ZC3H18: variants seen among roughly 807,000 people sequenced by gnomAD.
The protein encoded by ZC3H18 is zinc finger CCCH domain-containing protein 18.
Under a neutral mutation model 106.1 loss-of-function variants are expected in ZC3H18, and 8 were observed. The ratio of observed to expected loss-of-function variants is 0.08; its 90% confidence interval spans 0.04 to 0.14. The LOEUF (loss-of-function observed/expected upper bound fraction) is 0.14, where lower values mean the gene tolerates loss of function less well. ZC3H18 is among the 10% of genes least tolerant of loss of function. The pLI, the probability that ZC3H18 is intolerant of heterozygous loss-of-function variation, is 1.00. For synonymous variants in ZC3H18, 635 were observed against 522.1 expected, an observed-to-expected ratio of 1.22 and a Z score of -2.95; for missense variants, 1,318 against 1,278.4, an observed-to-expected ratio of 1.03 and a Z score of -0.47.
At chr16:88,617,453 G>T (rs189038592) in intron 8 of ZC3H18, among the ~76,000 whole-genome samples, 1 of 152,324 alleles carries the variant, frequency 6.6e-6, no homozygotes, top group Admixed American at 6.5e-5. Flanking sequence ...GGTCCCTTAT[G>T]TGAAACCTAA....
At chr16:88,624,103 C>T in intron 11 of ZC3H18, 41 bp downstream of exon 11, 1 of 1,606,688 alleles carries the variant, frequency 6.2e-7, no homozygotes, top group Non-Finnish European at 8.5e-7. Flanking sequence ...CCGGCCAGGC[C>T]TCCACAGGCT....
At chr16:88,591,718 C>T (rs1025863852) in intron 3 of ZC3H18, among the ~76,000 whole-genome samples, 2 of 152,260 alleles carry the variant, frequency 1.3e-5, no homozygotes, top group Non-Finnish European at 2.9e-5. Flanking sequence ...GTAAAAATCT[C>T]TTCAGACCCT....
chr16:88,609,344 C>A, intron 7 of ZC3H18: 1 of 218,648 alleles, frequency 4.6e-6, no homozygotes, highest in South Asian at 5.8e-5. Flanking sequence ...GTCACCCAGG[C>A]TGGAGTGCAG....
rs944852488 is a variant in ZC3H18 at position 88,631,703 on chromosome 16, C to T, written c.*404C>T. On this transcript the variant is annotated 3_prime_UTR_variant, in exon 18 of 18. Transcript: ENST00000301011. The stretch of plus-strand genomic sequence containing the variant: ...TCCTGAGCTGAGAAACGGAACCTCG[C>T]GAACCACTGGTGGCACATCCTTCTC... 2.2e-5 allele frequency: 10 copies of T among 451,108 alleles called. No homozygotes were observed. The highest frequency in any genetic ancestry group is 4.0e-5 in the African/African-American group (2 of 49,778). 27.9% of individuals were successfully genotyped at this position (451,108 alleles called of 1,614,324 possible).
chr16:88,599,924 T>C lies in ZC3H18; in HGVS notation c.1064T>C (p.Ile355Thr), dbSNP rs1048595680. ...GTTTTTCGAGATTGGAATTCTCGGA[T>C]CCCGAGAGATGTCAGAGACACAGTG... ...NEVFRDWNSR[I>T]PRDVRDTVLE... Residue 355 changes from isoleucine (I) to threonine (T), a missense_variant, in exon 6 of 18, where the codon ATC becomes ACC. Ile to Thr is a moderately conservative substitution (Grantham distance 89, BLOSUM62 -1). Coordinates refer to ENST00000301011, the MANE Select transcript of ZC3H18 (RefSeq NM_144604.4). The C allele has an allele frequency of 6.2e-7, 1 of 1,614,174 alleles. No homozygotes were observed. The highest frequency in any genetic ancestry group is 2.2e-5 in the East Asian group (1 of 44,884).
chr16:88,575,179 AT>A lies in ZC3H18; in HGVS notation c.-14-1930del, dbSNP rs1434171316. Among the ~76,000 whole-genome samples, 24 of 149,660 alleles carry A rather than the reference AT, an allele frequency of 1.6e-4. 2 individuals are homozygous for A. Among genetic ancestry groups the A allele is most frequent in the Non-Finnish European group, 7.4e-5 (5 of 67,290 alleles). Reference sequence around the variant, plus strand: ...TTTCCATTAACAGCAAAAAAAAAAAATGTTTAACTGTAGGTTGATACCAATT... The same window carrying A: ...TTTCCATTAACAGCAAAAAAAAAAAAGTTTAACTGTAGGTTGATACCAATT... On this transcript the variant is annotated intron_variant, in intron 1 of 17. Coordinates refer to ENST00000301011, the MANE Select transcript of ZC3H18 (RefSeq NM_144604.4).
rs890194460 is a variant in ZC3H18, at chr16:88,571,791, T to A, written c.-15+1225T>A. 7.5e-6 allele frequency: 4 copies of A among 530,942 alleles called. No individual in the cohort carries two copies. The Admixed American group carries it at 1.9e-4, about 25-fold the overall frequency. 32.9% of individuals were successfully genotyped at this position (530,942 alleles called of 1,614,324 possible). On this transcript the variant is annotated intron_variant, in intron 1 of 17. Coordinates refer to ENST00000301011, the MANE Select transcript of ZC3H18 (RefSeq NM_144604.4). ...GTTTAGTGGTCACGCTTGGTCACTT[T>A]GCACGTGGGGTCTGTCACCAACCTT...
At chr16:88,606,104 A>G (rs1025098065) in intron 6 of ZC3H18, among the ~76,000 whole-genome samples, 1 of 152,240 alleles carries the variant, frequency 6.6e-6, no homozygotes, top group Non-Finnish European at 1.5e-5. Flanking sequence ...TTGCTTCACC[A>G]CAGAACCCTT....
At chr16:88,623,742 A>G in intron 10 of ZC3H18, 1 of 815,564 alleles carries the variant, frequency 1.2e-6, no homozygotes, top group South Asian at 2.5e-5. Flanking sequence ...CTCCCGGAGG[A>G]CCCGCCAGTG....
chr16:88,605,209 G>A (rs1424890075), intron 6 of ZC3H18, among the ~76,000 whole-genome samples: 1 of 152,212 alleles, frequency 6.6e-6, no homozygotes, highest in Non-Finnish European at 1.5e-5. Flanking sequence ...AGGGAGGGTT[G>A]GGCTACCTGG....
intron 2 of ZC3H18, among the ~76,000 whole-genome samples, chr16:88,580,155 TCTGTGTG>T (rs1215635168): frequency 4.4e-5 from 6 of 136,136 alleles, no homozygotes; most frequent in Non-Finnish European, 9.4e-5. Context: ...CACAGGTTCA[TCTGTGTG>T]TGTGTGTGTG....
intron 2 of ZC3H18, among the ~76,000 whole-genome samples, chr16:88,579,489 C>G (rs1268364488): frequency 1.3e-5 from 2 of 152,116 alleles, no homozygotes; most frequent in Admixed American, 6.5e-5. Context: ...CCATAGTGGT[C>G]CTGAAAGGCC....
chr16:88,625,476 C>T, intron 13 of ZC3H18: 1 of 612,448 alleles, frequency 1.6e-6, no homozygotes, highest in Non-Finnish European at 2.8e-6. Context: ...CCCCTCCCCC[C>T]ACCAAAAAAA....
intron 3 of ZC3H18, among the ~76,000 whole-genome samples, chr16:88,593,639 A>C (rs543721324): frequency 1.2e-4 from 19 of 152,180 alleles, no homozygotes; most frequent in Non-Finnish European, 2.4e-4. Flanking sequence ...CAGCACGTGC[A>C]AGGCTGGAGC....
chr16:88,630,537 G>C lies in ZC3H18; in HGVS notation c.2619G>C (p.Arg873=), dbSNP rs1217782035. 1 of 1,612,672 alleles carries C rather than the reference G, an allele frequency of 6.2e-7. No individual in the cohort carries two copies. The highest frequency in any genetic ancestry group is 1.7e-5 in the Admixed American group (1 of 59,964). ...GGRLGSPKPE[R]QRGQNSKAPA... is the part of the protein sequence containing the mutation. ...GACTGGGCTCCCCGAAGCCAGAGCG[G>C]CAGAGAGGCCAGAACTCCAAAGCCC... Residue 873 remains arginine (R), a synonymous_variant, in exon 17 of 18, where the codon CGG becomes CGC. Coordinates refer to ENST00000301011, the MANE Select transcript of ZC3H18 (RefSeq NM_144604.4).
At chr16:88,593,366 T>C (rs1423285096) in intron 3 of ZC3H18, among the ~76,000 whole-genome samples, 1 of 152,240 alleles carries the variant, frequency 6.6e-6, no homozygotes, top group Non-Finnish European at 1.5e-5. Context: ...ACAGCTTGCA[T>C]CTGCTGGACA....
intron 8 of ZC3H18, among the ~76,000 whole-genome samples, chr16:88,618,900 C>T (rs1905787305): frequency 6.6e-6 from 1 of 152,162 alleles, no homozygotes; most frequent in Non-Finnish European, 1.5e-5. Context: ...CACACTGGCT[C>T]CCTCTGCGCA....
intron 8 of ZC3H18, among the ~76,000 whole-genome samples, chr16:88,611,977 G>A (rs966309806): frequency 4.7e-4 from 72 of 152,134 alleles, no homozygotes; most frequent in African/African-American, 1.7e-3. Context: ...TGGGGCATCC[G>A]TGTTGCTGGC....
intron 13 of ZC3H18, chr16:88,625,579 G>A (rs146822802): frequency 0.01 from 3,774 of 376,816 alleles, 38 homozygotes; most frequent in Admixed American, 0.015. Flanking sequence ...CTGCACCTGG[G>A]GAGGAGCCGG....
Sources: gnomAD v4.1 joint callset for allele counts (sites outside exome capture counted in the v4.1 genomes callset) on GRCh38, gnomAD v4.1.1 for gene constraint, MANE v1.5 for transcripts, NCBI Gene and HGNC (gene_info 2026-07-23, HGNC 2026-07-21) for gene names.